GPN1: variants seen among roughly 807,000 people sequenced by gnomAD.
The protein encoded by GPN1 is GPN-loop GTPase 1.
In GPN1, 44 loss-of-function variants were observed where a neutral mutation model predicts 55.9. The observed-to-expected ratio is 0.79, with a 90% CI of 0.62 to 1.01. GPN1 has a LOEUF of 1.01. GPN1 is among the 50% of genes least tolerant of loss of function. The probability of loss-of-function intolerance (pLI) is 0.00; values close to 1 mark genes in which losing one functional copy is unlikely to be tolerated. For synonymous variants in GPN1, 179 were observed against 162.5 expected, an observed-to-expected ratio of 1.10 and a Z score of -0.77; for missense variants, 466 against 462.8, an observed-to-expected ratio of 1.01 and a Z score of -0.06.
chr2:27,639,393 A>G (rs559278181), intron 9 of GPN1, among the ~76,000 whole-genome samples: 3 of 152,362 alleles, frequency 2.0e-5, no homozygotes, highest in African/African-American at 7.2e-5. Flanking sequence ...AGATTTATGT[A>G]AGCAAAGGCA....
At chr2:27,645,839 C>G (rs1674201664) in intron 12 of GPN1, among the ~76,000 whole-genome samples, 1 of 149,524 alleles carries the variant, frequency 6.7e-6, no homozygotes, top group Admixed American at 6.7e-5. Flanking sequence ...AAGCTATTCT[C>G]CTGCCTCAGC....
chr2:27,633,019 C>T (rs933792803), intron 5 of GPN1, among the ~76,000 whole-genome samples: 2 of 152,152 alleles, frequency 1.3e-5, no homozygotes, highest in African/African-American at 4.8e-5. Context: ...ATATAGTCTA[C>T]ATGGTTCAGA....
intron 10 of GPN1, among the ~76,000 whole-genome samples, chr2:27,640,766 C>G (rs1275794155): frequency 6.6e-6 from 1 of 152,148 alleles, no homozygotes; most frequent in Non-Finnish European, 1.5e-5. Flanking sequence ...TTTGCAAGAT[C>G]CTAACAACCA....
At chr2:27,644,204 A>G (rs977452242) in intron 12 of GPN1, among the ~76,000 whole-genome samples, 3 of 152,100 alleles carry the variant, frequency 2.0e-5, no homozygotes, top group African/African-American at 4.8e-5. Flanking sequence ...AAAAATTACT[A>G]TTTTTAAATA....
At chr2:27,647,807 C>A in intron 12 of GPN1, 29 bp from the exon 13 acceptor site, 1 of 1,266,122 alleles carries the variant, frequency 7.9e-7, no homozygotes, top group Non-Finnish European at 1.2e-6. Context: ...TTTGAGGAGG[C>A]ATATCACTGA....
At chr2:27,630,836 T>C (rs1174320649) in intron 2 of GPN1, among the ~76,000 whole-genome samples, 191 bp from the exon 3 acceptor site, 2 of 152,228 alleles carry the variant, frequency 1.3e-5, no homozygotes, top group East Asian at 3.9e-4. Context: ...GCCACAACTT[T>C]AGAGCTCCTA....
chr2:27,629,456 A>C, intron 1 of GPN1: 1 of 1,486,108 alleles, frequency 6.7e-7, no homozygotes, highest in Non-Finnish European at 9.2e-7. Context: ...AGTTACAAGT[A>C]ACTTTAAAGA....
chr2:27,642,952 T>TACACACACAC (rs1419636770), intron 12 of GPN1, among the ~76,000 whole-genome samples: 15 of 37,984 alleles, frequency 3.9e-4, no homozygotes, highest in East Asian at 3.6e-3. Context: ...TTTATATATA[T>TACACACACAC]ATATATACAC....
Position 27,640,097 on chromosome 2 carries a change from G to C in GPN1, c.772G>C (p.Val258Leu). 6.2e-7 allele frequency: 1 copy of C among 1,611,956 alleles called. No homozygotes were observed. The highest frequency in any genetic ancestry group is 1.3e-5 in the African/African-American group (1 of 74,996). Reference sequence around the variant, plus strand: ...TGGATTAGATGAACTCTTTGTGCAAGTTACCAGTGCTGCCGAAGAATATGA... The same window carrying C: ...TGGATTAGATGAACTCTTTGTGCAACTTACCAGTGCTGCCGAAGAATATGA... ...GTGLDELFVQ[V>L]TSAAEEYERE... The change falls in exon 10 of 14, where the codon GTT (valine) becomes CTT (leucine). Residue 258 changes from valine (V) to leucine (L), a missense_variant. Transcript: ENST00000610189.
chr2:27,640,001 T>C, intron 9 of GPN1, 42 bp from the exon 10 acceptor site: 1 of 1,215,924 alleles, frequency 8.2e-7, no homozygotes, highest in Non-Finnish European at 1.2e-6. Flanking sequence ...TTAAAAAATA[T>C]ACAATGGTTT....
Position 27,632,625 on chromosome 2 carries a change from T to C in GPN1, c.313-8T>C. 2 of 1,594,430 alleles carry C rather than the reference T, an allele frequency of 1.3e-6. No individual in the cohort carries two copies. The highest frequency in any genetic ancestry group is 1.7e-6 in the Non-Finnish European group (2 of 1,162,116). On this transcript the variant is annotated splice_polypyrimidine_tract_variant and splice_region_variant and intron_variant, in intron 4 of 13. Transcript: ENST00000610189. ...GAATTTGTTGTCATTGACATCTTTT[T>C]CTTTTAGGTGATGAAATTTATTGAG...
intron 5 of GPN1, 107 bp downstream of exon 5, chr2:27,632,777 T>G (rs1673601210): frequency 1.3e-6 from 1 of 795,176 alleles, no homozygotes; most frequent in Non-Finnish European, 2.1e-6. Flanking sequence ...TAGATTGAGA[T>G]GAAACCATTA....
chr2:27,630,290 TCCAGCCTGC>T (rs1293413808), intron 2 of GPN1, among the ~76,000 whole-genome samples: 1 of 151,556 alleles, frequency 6.6e-6, no homozygotes, highest in East Asian at 1.9e-4. Flanking sequence ...CTGTAAAGCC[TCCAGCCTGC>T]CAGTCTTCAG....
Position 27,642,470 on chromosome 2 carries a change from C to G in GPN1, c.882C>G (p.Arg294=), listed in dbSNP as rs1206861804. ...AACAGCAGAGAGAACAACTGGAACG[C>G]CTTCGAAAAGATATGGGTTCTGTAG... ...ESQQQREQLE[R]LRKDMGSVAL... The change falls in exon 12 of 14, where the codon CGC becomes CGG. Residue 294 remains arginine, a synonymous_variant. Transcript: ENST00000610189. The G allele has an allele frequency of 6.2e-7, 1 of 1,613,588 alleles. No homozygotes were observed. Among genetic ancestry groups the G allele is most frequent in the Non-Finnish European group, 8.5e-7 (1 of 1,179,608 alleles).
At position 27,629,074 on chromosome 2, in the gene GPN1, G is replaced by A. The variant is rs1451768951; in HGVS notation, c.16G>A (p.Ala6Thr). ...CAGGAGGAAGATGGCGGCGTCCGCA[G>A]CTGCCGCTGAGCTCCAGGCTTCTGG... is the stretch of plus-strand genomic sequence containing the variant. Reference protein sequence around the residue: MAASAAAAELQASGGP... With the variant: MAASATAAELQASGGP... The change falls in exon 1 of 14, where the codon GCT becomes ACT. Residue 6 changes from alanine (A) to threonine (T), a missense_variant. Coordinates refer to ENST00000610189, the MANE Select transcript of GPN1 (RefSeq NM_007266.4). The A allele has an allele frequency of 2.5e-6, 4 of 1,614,234 alleles. No individual in the cohort carries two copies. Among genetic ancestry groups the A allele is most frequent in the Non-Finnish European group, 2.5e-6 (3 of 1,180,046 alleles).
chr2:27,648,050 A>G (rs1674326124), intron 13 of GPN1, 107 bp downstream of exon 13: 1 of 676,332 alleles, frequency 1.5e-6, no homozygotes, highest in Admixed American at 2.2e-5. Context: ...TAGTGGATAA[A>G]GGATACAGCA....
chr2:27,642,430 C>T lies in GPN1; in HGVS notation c.842C>T (p.Ala281Val). Reference sequence around the variant, plus strand: ...TGACATTTTTCTCTGTATATACAGGCCAACGCAGAGAGCCAACAGCAGAGA... The same window carrying T: ...TGACATTTTTCTCTGTATATACAGGTCAACGCAGAGAGCCAACAGCAGAGA... ...PEYERLKKSLANAESQQQREQ... is the reference protein window; with the variant it reads ...PEYERLKKSLVNAESQQQREQ... Residue 281 changes from alanine (A) to valine (V), a missense_variant and splice_region_variant, in exon 12 of 14, where the codon GCC (alanine) becomes GTC (valine). Ala to Val is a moderately conservative substitution (Grantham distance 64, BLOSUM62 0). Coordinates refer to ENST00000610189, the MANE Select transcript of GPN1 (RefSeq NM_007266.4). 6.2e-7 allele frequency: 1 copy of T among 1,604,306 alleles called. No individual in the cohort carries two copies. Among genetic ancestry groups the T allele is most frequent in the African/African-American group, 1.3e-5 (1 of 74,662 alleles).
chr2:27,641,121 T>C (rs1450280823), intron 10 of GPN1, 119 bp from the exon 11 acceptor site: 1 of 699,426 alleles, frequency 1.4e-6, no homozygotes, highest in African/African-American at 1.8e-5. Context: ...ACATCTGATG[T>C]TGAATGAAGT....
At chr2:27,648,951 G>A (rs1243527152) in intron 13 of GPN1, among the ~76,000 whole-genome samples, 2 of 150,498 alleles carry the variant, frequency 1.3e-5, no homozygotes, top group Admixed American at 6.6e-5. Flanking sequence ...TCTGATTCTT[G>A]AAACAACCAT....
Sources: allele counts gnomAD v4.1 joint callset (sites outside exome capture counted in the v4.1 genomes callset), GRCh38; gene constraint gnomAD v4.1.1; transcripts MANE v1.5; gene names NCBI Gene and HGNC (gene_info 2026-07-23, HGNC 2026-07-21).